The following SERPINB13 variants were observed in gnomAD, a reference collection of about 807,000 sequenced individuals.
SERPINB13 encodes serpin family B member 13, also known as serpin B13.
In SERPINB13, 26 loss-of-function variants were observed where a neutral mutation model predicts 31.2. That is an observed-to-expected ratio of 0.83 (90% CI 0.61 to 1.15). The LOEUF is 1.15. SERPINB13 is among the 50% of genes most tolerant of loss of function. The pLI is 0.00. For synonymous variants in SERPINB13, 191 were observed against 172.4 expected, an observed-to-expected ratio of 1.11 and a Z score of -0.85; for missense variants, 510 against 469.4, an observed-to-expected ratio of 1.09 and a Z score of -0.80.
intron 6 of SERPINB13, among the ~76,000 whole-genome samples, 171 bp from the exon 7 acceptor site, chr18:63,594,858 A>G (rs1228370123): frequency 6.6e-6 from 1 of 152,006 alleles, no homozygotes; most frequent in South Asian, 2.1e-4. Flanking sequence ...AAAAAAATCT[A>G]AAGTCATATT....
rs551606590 is a variant in SERPINB13, at chr18:63,597,687, C to T, written c.*324C>T. 3.2e-5 allele frequency: 7 copies of T among 217,264 alleles called. No homozygotes were observed. In the East Asian group the frequency reaches 5.0e-4, roughly 15 times the overall value. 13.5% of individuals were successfully genotyped at this position (217,264 alleles called of 1,614,324 possible). ...GAGAAAGTCTCTCCAGTAAAGAGTA[C>T]GAACTAGTAATTTTGGGGGGTCTCT... On this transcript the variant is annotated 3_prime_UTR_variant, in exon 8 of 8. Transcript: ENST00000344731.
chr18:63,594,191 C>G, intron 5 of SERPINB13, 164 bp from the exon 6 acceptor site: 2 of 1,525,236 alleles, frequency 1.3e-6, no homozygotes, highest in Non-Finnish European at 1.8e-6. Context: ...AAAATGAGAA[C>G]CTCCCCGTCG....
At position 63,594,476 on chromosome 18, in the gene SERPINB13, A is replaced by C; in HGVS notation, c.594A>C (p.Glu198Asp). The C allele has an allele frequency of 1.2e-6, 2 of 1,614,004 alleles. No homozygotes were observed. The highest frequency in any genetic ancestry group is 1.7e-6 in the Non-Finnish European group (2 of 1,179,930). ...AGTTTAAGAAAGAAAATACTAAGGA[A>C]GAGAAATTTTGGATGAATAAGGTAT... ...DREFKKENTK[E>D]EKFWMNKSTS... is the part of the protein sequence containing the mutation. Residue 198 changes from glutamate to aspartate, a missense_variant, in exon 6 of 8, where the codon GAA (glutamate) becomes GAC (aspartate). By Grantham distance (45) the Glu-to-Asp change is conservative. Coordinates refer to ENST00000344731, the MANE Select transcript of SERPINB13 (RefSeq NM_012397.4).
intron 7 of SERPINB13, among the ~76,000 whole-genome samples, chr18:63,595,493 T>C (rs1282363504): frequency 3.3e-5 from 5 of 152,172 alleles, no homozygotes; most frequent in African/African-American, 7.2e-5. Flanking sequence ...AGAAATCACA[T>C]ATGCATATAT....
chr18:63,594,610 G>A (rs1240992950), intron 6 of SERPINB13, 113 bp downstream of exon 6: 1 of 1,138,134 alleles, frequency 8.8e-7, no homozygotes, highest in East Asian at 2.4e-5. Flanking sequence ...GGAGGCCAAG[G>A]TGGGTGGATC....
intron 3 of SERPINB13, 95 bp downstream of exon 3, chr18:63,589,810 A>C (rs1422676084): frequency 6.3e-7 from 1 of 1,594,764 alleles, no homozygotes; most frequent in Non-Finnish European, 8.5e-7. Context: ...GGGGAAAAGG[A>C]CTGAGAAAGG....
Position 63,596,971 on chromosome 18 carries a change from A to G in SERPINB13, c.784A>G (p.Ile262Val). The G allele has an allele frequency of 6.2e-7, 1 of 1,603,998 alleles. No homozygotes were observed. The highest frequency in any genetic ancestry group is 8.5e-7 in the Non-Finnish European group (1 of 1,174,892). ...TTTTTGAAAATAGATAATAGATAAAATAAGTCCTGAGAAATTGGTAGAGTG... is the reference window on the plus strand; with the variant it reads ...TTTTTGAAAATAGATAATAGATAAAGTAAGTCCTGAGAAATTGGTAGAGTG... ...IDGLEKIIDK[I>V]SPEKLVEWTS... Residue 262 changes from isoleucine (I) to valine (V), a missense_variant, in exon 8 of 8, where the codon ATA (isoleucine) becomes GTA (valine). Transcript: ENST00000344731.
rs760446244 is a variant in SERPINB13 at position 63,588,832 on chromosome 18, G to C, written c.165G>C (p.Glu55Asp). The C allele has an allele frequency of 6.2e-7, 1 of 1,613,390 alleles. No homozygotes were observed. The highest frequency in any genetic ancestry group is 1.3e-5 in the African/African-American group (1 of 74,860). Reference sequence around the variant, plus strand: ...GAGCCACCGCTTCCCAGTTGGAGGAGGTTGGGCGCAGTCAGGGGGCTTCCT... The same window carrying C: ...GAGCCACCGCTTCCCAGTTGGAGGACGTTGGGCGCAGTCAGGGGGCTTCCT... ...TRGATASQLE[E>D]VFHSEKETKS... The change falls in exon 2 of 8, where the codon GAG becomes GAC. Residue 55 changes from glutamate to aspartate, a missense_variant and splice_region_variant. Transcript: ENST00000344731.
intron 7 of SERPINB13, among the ~76,000 whole-genome samples, chr18:63,596,354 AG>A (rs1912167180): frequency 6.6e-6 from 1 of 152,228 alleles, no homozygotes; most frequent in Non-Finnish European, 1.5e-5. Flanking sequence ...AGAAGAAAAA[AG>A]TTGCCTTTCT....
At chr18:63,593,031 A>C in intron 5 of SERPINB13, 60 bp downstream of exon 5, 1 of 1,118,528 alleles carries the variant, frequency 8.9e-7, no homozygotes, top group Non-Finnish European at 1.3e-6. Flanking sequence ...AAACAAACAA[A>C]AAACACTTCT....
In SERPINB13 at chr18:63,592,376, A is replaced by T. The variant is rs1199369119; in HGVS notation, c.254A>T (p.Gln85Leu). The T allele has an allele frequency of 1.2e-6, 2 of 1,613,238 alleles. No homozygotes were observed. Among genetic ancestry groups the T allele is most frequent in the Non-Finnish European group, 1.7e-6 (2 of 1,179,598 alleles). ...GAGAACACAGAAGCAGTACATCAAC[A>T]ATTCCAAAAGTTTTTGACTGAAATA... ...VIENTEAVHQ[Q>L]FQKFLTEISK... The change falls in exon 4 of 8, where the codon CAA (glutamine) becomes CTA (leucine). Residue 85 changes from glutamine (Q) to leucine (L), a missense_variant. Coordinates refer to ENST00000344731, the MANE Select transcript of SERPINB13 (RefSeq NM_012397.4).
At chr18:63,588,883 G>GC (rs1555678738) in intron 2 of SERPINB13, 51 bp downstream of exon 2, 1 of 1,523,762 alleles carries the variant, frequency 6.6e-7, no homozygotes, top group Non-Finnish European at 8.9e-7. Context: ...AATTCATTTG[G>GC]CGGGGGGGTT....
chr18:63,587,995 C>A (rs538951013), intron 1 of SERPINB13, among the ~76,000 whole-genome samples: 4 of 152,306 alleles, frequency 2.6e-5, no homozygotes, highest in African/African-American at 7.2e-5. Flanking sequence ...CCTTTCATCT[C>A]CACCTAATAA....
chr18:63,592,942 T>C lies in SERPINB13; in HGVS notation c.443T>C (p.Ile148Thr). The change falls in exon 5 of 8, where the codon ATT (isoleucine) becomes ACT (threonine). Residue 148 changes from isoleucine (I) to threonine (T), a missense_variant. Transcript: ENST00000344731. Reference sequence around the variant, plus strand: ...GCAGCCGATGAAAGTCGAAAGAAGATTAATTCCTGGGTTGAAAGCAAAACA... The same window carrying C: ...GCAGCCGATGAAAGTCGAAAGAAGACTAATTCCTGGGTTGAAAGCAAAACA... ...VNAADESRKKINSWVESKTNE... is the reference protein window; with the variant it reads ...VNAADESRKKTNSWVESKTNE... The C allele has an allele frequency of 6.2e-7, 1 of 1,613,094 alleles. No homozygotes were observed. The highest frequency in any genetic ancestry group is 1.1e-5 in the South Asian group (1 of 90,870).
At chr18:63,594,992 G>T (rs779742242) in intron 6 of SERPINB13, 37 bp from the exon 7 acceptor site, 1 of 1,569,710 alleles carries the variant, frequency 6.4e-7, no homozygotes, top group South Asian at 1.2e-5. Flanking sequence ...TTGGTCTTAT[G>T]TCCTTTGATA....
rs1298031992 is a variant in SERPINB13 at position 63,598,514 on chromosome 18, A to C, written c.*1151A>C. ...TCTTATATAAATGGAATCATAATAC[A>C]TGTAGTATTTTGTGTCTGGCGTCTT... is the stretch of plus-strand genomic sequence containing the variant. On this transcript the variant is annotated 3_prime_UTR_variant, in exon 8 of 8. Transcript: ENST00000344731. 1 of 152,144 alleles carries C rather than the reference A, an allele frequency of 6.6e-6. No individual in the cohort carries two copies. Among genetic ancestry groups the C allele is most frequent in the African/African-American group, 2.4e-5 (1 of 41,428 alleles). The allele number at this position is 152,144 out of a possible 1,614,324, so 9.4% of individuals were successfully genotyped here. A position where few individuals can be genotyped will look rare whatever the true frequency, so the allele number is the denominator to read the frequency against.
intron 3 of SERPINB13, among the ~76,000 whole-genome samples, chr18:63,591,693 T>C (rs1415739243): frequency 6.6e-6 from 1 of 152,056 alleles, no homozygotes; most frequent in African/African-American, 2.4e-5. Flanking sequence ...TTTCATGTAT[T>C]ATTTTTGCTG....
intron 7 of SERPINB13, 52 bp downstream of exon 7, chr18:63,595,236 C>T: frequency 6.5e-7 from 1 of 1,549,726 alleles, no homozygotes; most frequent in Non-Finnish European, 8.7e-7. Context: ...GGCTTTTTGT[C>T]TCAGGGCTTC....
At chr18:63,588,884 C>CG (rs370398138) in intron 2 of SERPINB13, 52 bp downstream of exon 2, 13 of 202,548 alleles carry the variant, frequency 6.4e-5, no homozygotes, top group Non-Finnish European at 8.4e-5. Flanking sequence ...ATTCATTTGG[C>CG]GGGGGGGTTG....
Sources: allele counts gnomAD v4.1 joint callset (sites outside exome capture counted in the v4.1 genomes callset), GRCh38; gene constraint gnomAD v4.1.1; transcripts MANE v1.5; gene names NCBI Gene and HGNC (gene_info 2026-07-23, HGNC 2026-07-21).